ATP10B: variants seen among roughly 807,000 people sequenced by gnomAD.
ATP10B encodes the protein ATPase phospholipid transporting 10B (putative).
A neutral mutation model predicts 141.2 loss-of-function variants in ATP10B; 122 were observed. The observed-to-expected ratio is 0.86, with a 90% CI of 0.75 to 1.00. ATP10B has a LOEUF of 1.00. ATP10B is among the 50% of genes least tolerant of loss of function. ATP10B has a pLI of 0.00. For missense variants in ATP10B, 1,876 were observed against 1,825.3 expected (o/e 1.03, Z -0.51); for synonymous variants, 685 against 692.0 (o/e 0.99, Z 0.16).
chr5:160,677,390 G>C (rs1434056395), intron 6 of ATP10B, among the ~76,000 whole-genome samples: 1 of 152,168 alleles, frequency 6.6e-6, no homozygotes, highest in East Asian at 1.9e-4. Context: ...CTGAAGGCTG[G>C]ATGCAATGGT....
intron 14 of ATP10B, 88 bp downstream of exon 14, chr5:160,622,306 C>T (rs1198334641): frequency 7.3e-7 from 1 of 1,361,340 alleles, no homozygotes. Context: ...TCATGTCTCC[C>T]TGATCAGAAC....
chr5:160,709,083 CA>C (rs1765197571), intron 3 of ATP10B, among the ~76,000 whole-genome samples: 1 of 152,216 alleles, frequency 6.6e-6, no homozygotes, highest in East Asian at 1.9e-4. Flanking sequence ...CCAATGACAA[CA>C]AAAACTTGTT....
intron 6 of ATP10B, among the ~76,000 whole-genome samples, chr5:160,677,499 C>T (rs1763102797): frequency 6.6e-6 from 1 of 152,078 alleles, no homozygotes; most frequent in African/African-American, 2.4e-5. Context: ...TCCCCGAGGC[C>T]CATTTTGTTA....
At position 160,631,645 on chromosome 5, in the gene ATP10B, T is replaced by C. The variant is rs201387406; in HGVS notation, c.1620+484A>G. Among the ~76,000 whole-genome samples the C allele has an allele frequency of 4.6e-5, 7 of 152,380 alleles. No individual in the cohort carries two copies. The East Asian group carries it at 1.3e-3, about 29-fold the overall frequency. On this transcript the variant is annotated intron_variant, in intron 13 of 25. Coordinates refer to ENST00000327245, the MANE Select transcript of ATP10B (RefSeq NM_025153.3). ...GCTTATCTGTTGTTTTTCTCCCTTA[T>C]AGAAACATAAGCATAACAAATATTT...
At chr5:160,776,878 G>A (rs574635125) in intron 2 of ATP10B, among the ~76,000 whole-genome samples, 9 of 152,272 alleles carry the variant, frequency 5.9e-5, no homozygotes, top group Admixed American at 2.6e-4. Flanking sequence ...GCAAACACAC[G>A]TCTTCAGAAT....
chr5:160,758,062 A>G (rs929849015), intron 2 of ATP10B, among the ~76,000 whole-genome samples: 4 of 152,234 alleles, frequency 2.6e-5, no homozygotes, highest in Non-Finnish European at 4.4e-5. Context: ...TAGGGAGTCA[A>G]CATTTTTAAT....
Position 160,620,446 on chromosome 5 carries a change from T to G in ATP10B, c.2317A>C (p.Met773Leu), listed in dbSNP as rs1758261388. The change falls in exon 15 of 26, where the codon ATG (methionine) becomes CTG (leucine). Residue 773 changes from methionine (M) to leucine (L), a missense_variant. Met to Leu is a conservative substitution (Grantham distance 15). Coordinates refer to ENST00000327245, the MANE Select transcript of ATP10B (RefSeq NM_025153.3). Reference protein sequence around the residue: ...TLGFDSVRKRMSVVVRHPLTG... With the variant: ...TLGFDSVRKRLSVVVRHPLTG... ...AGTGGGTGCCTCACAACCACAGACA[T>G]TCTCTTCCTGACAGAGTCAAAGCCC... The G allele has an allele frequency of 2.5e-6, 4 of 1,614,200 alleles. No individual in the cohort carries two copies. Among genetic ancestry groups the G allele is most frequent in the Non-Finnish European group, 2.5e-6 (3 of 1,180,022 alleles).
At chr5:160,928,713 A>C in the ATP10B span, among the ~76,000 whole-genome samples, 1 of 152,170 alleles carries the variant, frequency 6.6e-6, no homozygotes, top group African/African-American at 2.4e-5. Flanking sequence ...TAAAAATCCC[A>C]ACTCTCTCCC....
chr5:160,717,116 C>T (rs1195354943), intron 2 of ATP10B, 82 bp from the exon 3 acceptor site: 19 of 875,074 alleles, frequency 2.2e-5, no homozygotes, highest in South Asian at 5.3e-5. Context: ...TAAAACAATG[C>T]TACATATTCT....
chr5:160,845,397 T>G (rs1207799483), intron 1 of ATP10B, among the ~76,000 whole-genome samples: 1 of 152,134 alleles, frequency 6.6e-6, no homozygotes, highest in East Asian at 1.9e-4. Context: ...AAATTAGGAA[T>G]GTGGTTACAT....
intron 2 of ATP10B, among the ~76,000 whole-genome samples, chr5:160,718,496 A>G (rs968489269): frequency 2.0e-5 from 3 of 152,226 alleles, no homozygotes; most frequent in African/African-American, 7.2e-5. Context: ...TATAAAGAAA[A>G]GAAGTTTATT....
intron 1 of ATP10B, among the ~76,000 whole-genome samples, chr5:160,811,748 C>T (rs975776270): frequency 6.6e-6 from 1 of 152,092 alleles, no homozygotes; most frequent in Non-Finnish European, 1.5e-5. Context: ...ATCTCTGGAC[C>T]CACCAAGGGC....
intron 1 of ATP10B, among the ~76,000 whole-genome samples, chr5:160,800,054 C>T (rs1247194266): frequency 5.9e-5 from 9 of 152,156 alleles, no homozygotes. Flanking sequence ...AGCTAAGGAA[C>T]ACCAAGGGTA....
rs116288326 is a variant in ATP10B at position 160,807,682 on chromosome 5, C to G, written c.-575-21879G>C. On this transcript the variant is annotated intron_variant, in intron 1 of 25. Transcript: ENST00000327245. ...AATAGCATTAGGATAACTGAACACTCTCTGTATCCATATGATAAAAACAGA... is the reference window on the plus strand; with the variant it reads ...AATAGCATTAGGATAACTGAACACTGTCTGTATCCATATGATAAAAACAGA... Among the ~76,000 whole-genome samples the G allele has an allele frequency of 4.2e-3, 639 of 152,282 alleles. 6 individuals carry two copies. The highest frequency in any genetic ancestry group is 0.015 in the African/African-American group (604 of 41,556).
chr5:160,879,950 C>G, the ATP10B span, among the ~76,000 whole-genome samples: 2 of 151,874 alleles, frequency 1.3e-5, no homozygotes, highest in African/African-American at 4.8e-5. Context: ...TATATACCAA[C>G]AATAGTCAAG....
Position 160,620,885 on chromosome 5 carries a change from C to A in ATP10B, c.1878G>T (p.Gln626His). The A allele has an allele frequency of 1.2e-6, 2 of 1,614,200 alleles. No individual in the cohort carries two copies. The highest frequency in any genetic ancestry group is 1.7e-6 in the Non-Finnish European group (2 of 1,180,042). Reference protein sequence around the residue: ...TSLEKIQQLFQKLKLLSLSQS... With the variant: ...TSLEKIQQLFHKLKLLSLSQS... The stretch of plus-strand genomic sequence containing the variant: ...GGCTGAGGCTCAATAGCTTCAACTT[C>A]TGGAAGAGCTGCTGAATCTTCTCCA... Residue 626 changes from glutamine to histidine, a missense_variant, in exon 15 of 26, where the codon CAG becomes CAT. Gln to His is a conservative substitution (Grantham distance 24). Coordinates refer to ENST00000327245, the MANE Select transcript of ATP10B (RefSeq NM_025153.3).
At chr5:160,745,228 A>C (rs1341452188) in intron 2 of ATP10B, among the ~76,000 whole-genome samples, 2 of 152,184 alleles carry the variant, frequency 1.3e-5, no homozygotes, top group African/African-American at 2.4e-5. Context: ...GTAGGATTTC[A>C]CTTTTTTTTA....
At chr5:160,619,543 A>G (rs1291853120) in intron 15 of ATP10B, among the ~76,000 whole-genome samples, 1 of 152,160 alleles carries the variant, frequency 6.6e-6, no homozygotes, top group Admixed American at 6.5e-5. Flanking sequence ...ATCAATCCCC[A>G]TAAACCTCTT....
At chr5:160,776,577 T>C (rs544649052) in intron 2 of ATP10B, among the ~76,000 whole-genome samples, 1 of 152,326 alleles carries the variant, frequency 6.6e-6, no homozygotes, top group Non-Finnish European at 1.5e-5. Flanking sequence ...TACTGAGTGA[T>C]GGAGATGAGG....
Sources: gnomAD v4.1 joint callset for allele counts (sites outside exome capture counted in the v4.1 genomes callset) on GRCh38, gnomAD v4.1.1 for gene constraint, MANE v1.5 for transcripts, NCBI Gene and HGNC (gene_info 2026-07-23, HGNC 2026-07-21) for gene names.